Variants in FBXO7 observed in about 807,000 individuals in gnomAD.
FBXO7 encodes the protein F-box only protein 7.
In FBXO7, 31 loss-of-function variants were observed where a neutral mutation model predicts 50.2. That is an observed-to-expected ratio of 0.62 (90% confidence interval 0.46 to 0.83). FBXO7 has a LOEUF of 0.83. FBXO7 is among the 40% of genes least tolerant of loss of function. The pLI, the probability that FBXO7 is intolerant of heterozygous loss-of-function variation, is 0.00. For missense variants in FBXO7, 667 were observed against 646.6 expected (o/e 1.03, Z -0.34); for synonymous variants, 256 against 253.1 (o/e 1.01, Z -0.11).
Position 32,493,239 on chromosome 22 carries a change from G to A in FBXO7, c.1102G>A (p.Asp368Asn). 6.2e-7 allele frequency: 1 copy of A among 1,614,114 alleles called. No individual in the cohort carries two copies. ...VCRDLFTASN[D>N]PLLWRFLYLR... The stretch of plus-strand genomic sequence containing the variant: ...TCGTGACCTCTTTACTGCTTCAAAT[G>A]ACCCACTCCTGTGGAGGTTTTTATA... The change falls in exon 7 of 9, where the codon GAC (aspartate) becomes AAC (asparagine). Residue 368 changes from aspartate to asparagine, a missense_variant. Transcript: ENST00000266087.
At chr22:32,492,432 T>A (rs1421541245) in intron 6 of FBXO7, 1 of 152,330 alleles carries the variant, frequency 6.6e-6, no homozygotes, top group East Asian at 1.9e-4. Context: ...AAAACATAAT[T>A]TTCATTGAAC....
intron 8 of FBXO7, among the ~76,000 whole-genome samples, chr22:32,497,757 C>T (rs545842335): frequency 6.6e-6 from 1 of 152,296 alleles, no homozygotes; most frequent in South Asian, 2.1e-4. Context: ...TAAGAAATTG[C>T]CACAGCCACT....
At chr22:32,496,492 C>CA (rs769238475) in intron 8 of FBXO7, among the ~76,000 whole-genome samples, 7 of 151,894 alleles carry the variant, frequency 4.6e-5, no homozygotes, top group Non-Finnish European at 8.8e-5. Flanking sequence ...AAAAAACAAA[C>CA]AAAAAAACAA....
At chr22:32,493,739 A>T (rs1408193708) in intron 7 of FBXO7, among the ~76,000 whole-genome samples, 1 of 152,188 alleles carries the variant, frequency 6.6e-6, no homozygotes, top group Non-Finnish European at 1.5e-5. Flanking sequence ...GAACTTGTGC[A>T]TCAGGATTTC....
At chr22:32,494,869 T>C (rs970708578) in intron 7 of FBXO7, among the ~76,000 whole-genome samples, 7 of 152,236 alleles carry the variant, frequency 4.6e-5, no homozygotes, top group Non-Finnish European at 1.0e-4. Flanking sequence ...AGAGAAGATA[T>C]CATCTTTTAT....
At position 32,478,333 on chromosome 22, in the gene FBXO7, A is replaced by G. The variant is rs149573914; in HGVS notation, c.123-648A>G. On this transcript the variant is annotated intron_variant, in intron 1 of 8. Transcript: ENST00000266087. ...AATCTTAGTTGCTGTCACTTGTAAG[A>G]CATATTGTTTTATGTAACAGCAGGG... 6.2e-3 allele frequency: 946 copies of G among 153,452 alleles called. 3 individuals carry two copies. The highest frequency in any genetic ancestry group is 0.022 in the African/African-American group (898 of 41,550). 9.5% of individuals were successfully genotyped at this position (153,452 alleles called of 1,614,324 possible). A position where few individuals can be genotyped will look rare whatever the true frequency, so the allele number is the denominator to read the frequency against.
At chr22:32,492,737 C>T (rs2057545431) in intron 6 of FBXO7, 2 of 267,470 alleles carry the variant, frequency 7.5e-6, no homozygotes, top group Admixed American at 5.1e-5. Flanking sequence ...ATATAAAAGC[C>T]AGTGAATTAT....
intron 1 of FBXO7, 156 bp downstream of exon 1, chr22:32,475,280 G>T: frequency 1.3e-6 from 2 of 1,589,036 alleles, no homozygotes; most frequent in Non-Finnish European, 1.7e-6. Flanking sequence ...GGGAGGCCCG[G>T]GCTCTTCCGG....
At chr22:32,491,537 A>C (rs2146000647) in intron 6 of FBXO7, 1 of 200,446 alleles carries the variant, frequency 5.0e-6, no homozygotes, top group Non-Finnish European at 1.0e-5. Flanking sequence ...CTGTGTAGAT[A>C]CATATATATA....
At chr22:32,481,206 G>A (rs1173342244) in intron 2 of FBXO7, among the ~76,000 whole-genome samples, 1 of 152,134 alleles carries the variant, frequency 6.6e-6, no homozygotes, top group Non-Finnish European at 1.5e-5. Flanking sequence ...GTCCAGATAT[G>A]TGGATTTTAA....
At chr22:32,494,514 G>C (rs1030214286) in intron 7 of FBXO7, among the ~76,000 whole-genome samples, 2 of 151,792 alleles carry the variant, frequency 1.3e-5, no homozygotes, top group African/African-American at 4.8e-5. Context: ...GCCAATTTTT[G>C]TTTGTTTGTT....
intron 2 of FBXO7, among the ~76,000 whole-genome samples, chr22:32,482,352 T>TC (rs772869536): frequency 6.6e-6 from 1 of 152,168 alleles, no homozygotes; most frequent in Non-Finnish European, 1.5e-5. Context: ...CCGGCTCCCC[T>TC]CCATTTCTCC....
rs2057591209 is a variant in FBXO7, at chr22:32,498,381, C to A, written c.1420C>A (p.Gln474Lys). ...LIPGPGETPS[Q>K]FPPLRPRFDP... is the part of the protein sequence containing the mutation. ...TCCTGGTCCTGGGGAGACGCCCAGCCAGTTTCCTCCACTGAGACCACGCTT... is the reference window on the plus strand; with the variant it reads ...TCCTGGTCCTGGGGAGACGCCCAGCAAGTTTCCTCCACTGAGACCACGCTT... The change falls in exon 9 of 9, where the codon CAG (glutamine) becomes AAG (lysine). Residue 474 changes from glutamine (Q) to lysine (K), a missense_variant. Transcript: ENST00000266087. 6.2e-7 allele frequency: 1 copy of A among 1,614,070 alleles called. No homozygotes were observed. Among genetic ancestry groups the A allele is most frequent in the South Asian group, 1.1e-5 (1 of 91,088 alleles).
chr22:32,485,318 CCTT>C, intron 4 of FBXO7, 109 bp downstream of exon 4: 4 of 1,321,162 alleles, frequency 3.0e-6, no homozygotes, highest in Non-Finnish European at 4.4e-6. Context: ...AGTTGTGAGT[CCTT>C]CTCAACTGTA....
In FBXO7 at chr22:32,493,104, G is replaced by C; in HGVS notation, c.968-1G>C. The C allele has an allele frequency of 6.2e-7, 1 of 1,613,748 alleles. No individual in the cohort carries two copies. The highest frequency in any genetic ancestry group is 8.5e-7 in the Non-Finnish European group (1 of 1,179,824). ...TGTTACTTCTCTTTTTTTCCTTTTA[G>C]CACTGAACCTACCAGATGTATTTGG... On this transcript the variant is annotated splice_acceptor_variant, in intron 6 of 8. Coordinates refer to ENST00000266087, the MANE Select transcript of FBXO7 (RefSeq NM_012179.4). LOFTEE classifies it high-confidence loss of function.
intron 1 of FBXO7, among the ~76,000 whole-genome samples, chr22:32,476,801 T>C (rs1245696308): frequency 6.6e-6 from 1 of 152,224 alleles, no homozygotes; most frequent in Non-Finnish European, 1.5e-5. Flanking sequence ...GTTTCTAGAA[T>C]TTCATTTCCT....
intron 1 of FBXO7, 138 bp downstream of exon 1, chr22:32,475,262 G>A (rs1348857968): frequency 1.1e-5 from 17 of 1,561,320 alleles, no homozygotes; most frequent in Non-Finnish European, 1.3e-5. Flanking sequence ...CGCCGGGGGG[G>A]CCTTCACGGG....
At chr22:32,482,219 A>G (rs967078999) in intron 2 of FBXO7, among the ~76,000 whole-genome samples, 5 of 152,154 alleles carry the variant, frequency 3.3e-5, no homozygotes, top group African/African-American at 1.2e-4. Flanking sequence ...TTTTTGTGCC[A>G]TACCTCCTTT....
At chr22:32,495,571 G>A in intron 8 of FBXO7, 41 bp downstream of exon 8, 1 of 1,131,188 alleles carries the variant, frequency 8.8e-7, no homozygotes, top group Non-Finnish European at 1.3e-6. Flanking sequence ...CCATAACACA[G>A]AAATGACTAG....
Sources: allele counts gnomAD v4.1 joint callset (sites outside exome capture counted in the v4.1 genomes callset), GRCh38; gene constraint gnomAD v4.1.1; transcripts MANE v1.5; gene names NCBI Gene and HGNC (gene_info 2026-07-23, HGNC 2026-07-21).